The following ZNF670 variants were observed in gnomAD, a reference collection of about 807,000 sequenced individuals.
ZNF670 encodes zinc finger protein 670.
ZNF670 carries 7 observed loss-of-function variants against 10.9 expected under a neutral mutation model. That is an observed-to-expected ratio of 0.64 (90% CI 0.36 to 1.20). The LOEUF (loss-of-function observed/expected upper bound fraction) is 1.20. ZNF670 is among the 50% of genes most tolerant of loss of function. The probability of loss-of-function intolerance (pLI) is 0.02; values close to 1 mark genes in which losing one functional copy is unlikely to be tolerated. For missense variants in ZNF670, 446 were observed against 458.6 expected, an observed-to-expected ratio of 0.97 and a Z score of 0.25; for synonymous variants, 136 against 152.7, an observed-to-expected ratio of 0.89 and a Z score of 0.81.
intron 1 of ZNF670, among the ~76,000 whole-genome samples, chr1:247,068,200 C>G (rs1328894804): frequency 6.7e-6 from 1 of 149,490 alleles, no homozygotes; most frequent in Non-Finnish European, 1.5e-5. Context: ...CATCTGTAAT[C>G]CCAGACTCAG....
At chr1:247,065,470 AAG>A (rs1205868674) in intron 1 of ZNF670, among the ~76,000 whole-genome samples, 23 of 66,496 alleles carry the variant, frequency 3.5e-4, no homozygotes, top group African/African-American at 2.5e-3. Context: ...CCTCCGAAAA[AAG>A]AATGACAAGT....
intron 1 of ZNF670, 107 bp downstream of exon 1, chr1:247,078,487 C>T: frequency 7.0e-7 from 1 of 1,433,144 alleles, no homozygotes; most frequent in East Asian, 2.4e-5. Context: ...GGCCGCGAGG[C>T]GCCGGCGGAA....
At chr1:247,078,309 T>C (rs1405984829) in intron 1 of ZNF670, among the ~76,000 whole-genome samples, 1 of 152,134 alleles carries the variant, frequency 6.6e-6, no homozygotes, top group Non-Finnish European at 1.5e-5. Flanking sequence ...GTCGGGACTC[T>C]CCCCTGAGGA....
chr1:247,062,055 C>T (rs4622098), intron 1 of ZNF670, among the ~76,000 whole-genome samples: 22,156 of 152,186 alleles, frequency 0.15, 1,809 homozygotes, highest in South Asian at 0.24. Context: ...ATGGTTGTCC[C>T]GTAGGATGCA....
intron 1 of ZNF670, among the ~76,000 whole-genome samples, chr1:247,042,247 C>T (rs1670328426): frequency 6.6e-6 from 1 of 152,194 alleles, no homozygotes; most frequent in Non-Finnish European, 1.5e-5. Context: ...GTGCTAGTTG[C>T]TCAGCAAGCA....
At chr1:247,077,617 G>GA (rs60931206) in intron 1 of ZNF670, among the ~76,000 whole-genome samples, 37,476 of 151,808 alleles carry the variant, frequency 0.25, 5,357 homozygotes, top group African/African-American at 0.38. Flanking sequence ...TCACTACTCT[G>GA]AAAAAAATAA....
chr1:247,037,920 T>G lies in ZNF670; in HGVS notation c.699A>C (p.Ser233=). 1 of 1,613,992 alleles carries G rather than the reference T, an allele frequency of 6.2e-7. No homozygotes were observed. Among genetic ancestry groups the G allele is most frequent in the Non-Finnish European group, 8.5e-7 (1 of 1,179,978 alleles). The change falls in exon 4 of 4, where the codon TCA becomes TCC. Residue 233 remains serine (S), a synonymous_variant. Transcript: ENST00000366503. ...KPYACKKCGK[S]FTFSSSLRQH... The stretch of plus-strand genomic sequence containing the variant: ...GGCGAAGAGAACTGGAAAAAGTGAA[T>G]GATTTACCACATTTCTTACATGCAT...
intron 1 of ZNF670, among the ~76,000 whole-genome samples, chr1:247,048,189 G>A (rs1210255482): frequency 2.6e-5 from 4 of 152,080 alleles, no homozygotes; most frequent in Non-Finnish European, 2.9e-5. Context: ...GCTTTTAAGA[G>A]CACCCAAGTC....
At chr1:247,061,976 A>T (rs1247836206) in intron 1 of ZNF670, among the ~76,000 whole-genome samples, 1 of 152,200 alleles carries the variant, frequency 6.6e-6, no homozygotes, top group Admixed American at 6.5e-5. Context: ...CAGACTACAG[A>T]GCTATCATTT....
chr1:247,051,779 T>C (rs1007973099), intron 1 of ZNF670, among the ~76,000 whole-genome samples: 5 of 108,356 alleles, frequency 4.6e-5, no homozygotes, highest in Non-Finnish European at 7.5e-5. Flanking sequence ...TTGTTCTTTT[T>C]TCATTTTTTT....
At chr1:247,046,833 G>C (rs2103056480) in intron 1 of ZNF670, among the ~76,000 whole-genome samples, 1 of 152,262 alleles carries the variant, frequency 6.6e-6, no homozygotes, top group South Asian at 2.1e-4. Context: ...AAGTCACATG[G>C]GCTGCATCCA....
intron 1 of ZNF670, among the ~76,000 whole-genome samples, chr1:247,050,317 T>C (rs2103058679): frequency 6.6e-6 from 1 of 152,334 alleles, no homozygotes; most frequent in South Asian, 2.1e-4. Context: ...TAAAGTTTGT[T>C]TTCTCTGATG....
Position 247,036,521 on chromosome 1 carries a change from G to C in ZNF670, c.*928C>G, listed in dbSNP as rs1436412436. Among the ~76,000 whole-genome samples, 1 of 152,116 alleles carries C rather than the reference G, an allele frequency of 6.6e-6. No homozygotes were observed. The highest frequency in any genetic ancestry group is 2.4e-5 in the African/African-American group (1 of 41,408). On this transcript the variant is annotated 3_prime_UTR_variant, in exon 4 of 4. Transcript: ENST00000366503. ...TTTTTAAAATTATATAATTAGCTGA[G>C]CATGGTGGCATGTGTCTGTAGCTCC...
chr1:247,047,664 C>T (rs199967326), intron 1 of ZNF670, among the ~76,000 whole-genome samples: 42 of 152,338 alleles, frequency 2.8e-4, no homozygotes, highest in Admixed American at 1.4e-3. Flanking sequence ...CCTAGACGTC[C>T]GGGCATTTCC....
chr1:247,057,628 T>C (rs529973945), intron 1 of ZNF670, among the ~76,000 whole-genome samples: 1 of 152,166 alleles, frequency 6.6e-6, no homozygotes, highest in Non-Finnish European at 1.5e-5. Flanking sequence ...GTAGCACATA[T>C]ACAAAATGAT....
Position 247,035,115 on chromosome 1 carries a change from C to T in ZNF670, c.*2334G>A, listed in dbSNP as rs760485533. 6.6e-6 allele frequency among the ~76,000 whole-genome samples: 1 copy of T among 152,130 alleles called. No individual in the cohort carries two copies. The highest frequency in any genetic ancestry group is 1.5e-5 in the Non-Finnish European group (1 of 68,040). On this transcript the variant is annotated 3_prime_UTR_variant, in exon 4 of 4. Transcript: ENST00000366503. ...AGGTGACTTCTGTTATATTATGGAACCAGTTAGACAAAAGCAGGTAGTTAA... is the reference window on the plus strand; with the variant it reads ...AGGTGACTTCTGTTATATTATGGAATCAGTTAGACAAAAGCAGGTAGTTAA...
At chr1:247,059,373 G>T (rs998270489) in intron 1 of ZNF670, among the ~76,000 whole-genome samples, 2 of 152,222 alleles carry the variant, frequency 1.3e-5, no homozygotes, top group East Asian at 3.9e-4. Flanking sequence ...GTGAACCTGG[G>T]AGGCTGAGCT....
chr1:247,058,981 G>A (rs185272639), intron 1 of ZNF670, among the ~76,000 whole-genome samples: 59 of 152,188 alleles, frequency 3.9e-4, no homozygotes, highest in Middle Eastern at 3.4e-3. Flanking sequence ...TTCTCTATAC[G>A]CTCTTCCAGA....
intron 1 of ZNF670, among the ~76,000 whole-genome samples, chr1:247,046,795 T>C (rs542979733): frequency 6.6e-6 from 1 of 152,092 alleles, no homozygotes; most frequent in Non-Finnish European, 1.5e-5. Flanking sequence ...CCTGGAAACG[T>C]TGCAAGCATT....
Sources: gnomAD v4.1 joint callset for allele counts (sites outside exome capture counted in the v4.1 genomes callset) on GRCh38, gnomAD v4.1.1 for gene constraint, MANE v1.5 for transcripts, NCBI Gene and HGNC (gene_info 2026-07-23, HGNC 2026-07-21) for gene names.